The following PLPPR5 variants were observed in gnomAD, a reference collection of about 807,000 sequenced individuals.
PLPPR5 encodes phospholipid phosphatase related 5.
PLPPR5 carries 16 observed loss-of-function variants against 33.9 expected under a neutral mutation model. That is an observed-to-expected ratio of 0.47 (90% confidence interval 0.32 to 0.72). The LOEUF is 0.72. Among genes scored for constraint, PLPPR5 ranks in the 30% least tolerant of loss-of-function variants. The pLI is 0.03. For missense variants in PLPPR5, 301 were observed against 406.7 expected (o/e 0.74, Z 2.23); for synonymous variants, 163 against 150.3 (o/e 1.08, Z -0.62).
intron 1 of PLPPR5, chr1:99,004,220 G>T (rs1652976911): frequency 9.1e-6 from 5 of 547,966 alleles, no homozygotes; most frequent in South Asian, 2.4e-5. Flanking sequence ...AGCCACCGCG[G>T]GGTGTGGGGG....
chr1:98,927,443 C>T (rs1219475605), intron 3 of PLPPR5, among the ~76,000 whole-genome samples: 1 of 152,174 alleles, frequency 6.6e-6, no homozygotes, highest in Non-Finnish European at 1.5e-5. Context: ...GTCCTTGTGG[C>T]CCCATACTGA....
intron 5 of PLPPR5, among the ~76,000 whole-genome samples, chr1:98,900,417 G>A (rs895431030): frequency 1.3e-5 from 2 of 151,978 alleles, no homozygotes; most frequent in African/African-American, 2.4e-5. Flanking sequence ...TGTTCCTCCA[G>A]TATAGCCATC....
rs946473597 is a variant in PLPPR5, at chr1:98,913,667, AT to A, written c.933+1118del. 5.9e-5 allele frequency among the ~76,000 whole-genome samples: 9 copies of A among 152,162 alleles called. 1 individual carries two copies. Among genetic ancestry groups the A allele is most frequent in the African/African-American group, 2.2e-4 (9 of 41,450 alleles). ...TTTTATTCCTTCATTGAATATGTTA[AT>A]TATCTCTCACAGATTTACACAATCA... On this transcript the variant is annotated intron_variant, in intron 5 of 5. Transcript: ENST00000263177.
intron 5 of PLPPR5, among the ~76,000 whole-genome samples, chr1:98,907,542 T>C (rs753485508): frequency 6.6e-6 from 1 of 152,228 alleles, no homozygotes; most frequent in African/African-American, 2.4e-5. Flanking sequence ...TTAAAATATC[T>C]CTTTCTCTCT....
chr1:98,999,950 T>A (rs1360972857), intron 1 of PLPPR5, among the ~76,000 whole-genome samples: 1 of 152,192 alleles, frequency 6.6e-6, no homozygotes. Flanking sequence ...TTATTCTAGC[T>A]TTGTGAAGAT....
intron 1 of PLPPR5, chr1:99,004,225 T>TG (rs1032680049): frequency 3.8e-5 from 21 of 557,536 alleles, no homozygotes; most frequent in African/African-American, 5.8e-5. Context: ...CCGCGGGGTG[T>TG]GGGGGGGTGA....
chr1:99,002,339 T>C (rs1177612312), intron 1 of PLPPR5, among the ~76,000 whole-genome samples: 4 of 152,198 alleles, frequency 2.6e-5, no homozygotes, highest in Admixed American at 2.6e-4. Context: ...TATCCACTTA[T>C]ATTCTCAATG....
chr1:98,995,337 G>A (rs997346831), intron 1 of PLPPR5, among the ~76,000 whole-genome samples: 2 of 152,016 alleles, frequency 1.3e-5, no homozygotes, highest in Non-Finnish European at 1.5e-5. Context: ...GGAGGGTCAC[G>A]ATCAAAAAAC....
At chr1:98,941,507 G>T (rs1234943827) in intron 3 of PLPPR5, among the ~76,000 whole-genome samples, 1 of 151,398 alleles carries the variant, frequency 6.6e-6, no homozygotes. Flanking sequence ...TTCTTTCAAA[G>T]ATGCGACGGT....
intron 4 of PLPPR5, among the ~76,000 whole-genome samples, chr1:98,916,021 A>C (rs1649331936): frequency 6.6e-6 from 1 of 152,186 alleles, no homozygotes; most frequent in South Asian, 2.1e-4. Context: ...TCATTTTGTA[A>C]AGTACCTAAT....
chr1:99,002,962 T>A (rs1652910506), intron 1 of PLPPR5, among the ~76,000 whole-genome samples: 1 of 150,198 alleles, frequency 6.7e-6, no homozygotes, highest in South Asian at 2.1e-4. Context: ...TCGACCTTTT[T>A]TTTTTTCTCT....
Position 98,892,084 on chromosome 1 carries a change from G to T in PLPPR5, c.*988C>A, listed in dbSNP as rs1314729124. The T allele has an allele frequency of 6.6e-6, 1 of 152,030 alleles. No homozygotes were observed. Among genetic ancestry groups the T allele is most frequent in the African/African-American group, 2.4e-5 (1 of 41,394 alleles). 9.4% of individuals were successfully genotyped at this position (152,030 alleles called of 1,614,324 possible). ...GTAAATATGCTTTGTAAACTATAAA[G>T]TACTACACAAATGCAAAGTAAAATA... On this transcript the variant is annotated 3_prime_UTR_variant, in exon 6 of 6. Transcript: ENST00000263177.
chr1:98,986,471 G>C (rs567722736), intron 1 of PLPPR5, among the ~76,000 whole-genome samples: 22 of 151,752 alleles, frequency 1.4e-4, no homozygotes, highest in African/African-American at 4.6e-4. Flanking sequence ...AATAATAAGG[G>C]GAACAACTCT....
intron 1 of PLPPR5, among the ~76,000 whole-genome samples, chr1:99,003,305 G>T (rs936183511): frequency 1.3e-5 from 2 of 150,988 alleles, no homozygotes; most frequent in African/African-American, 4.9e-5. Flanking sequence ...TAAAAAAAAA[G>T]ATGAACATCC....
In PLPPR5 at chr1:98,890,318, A is replaced by T. The variant is rs1389289393; in HGVS notation, c.*2754T>A. The T allele has an allele frequency of 6.6e-6, 1 of 152,528 alleles. No individual in the cohort carries two copies. The highest frequency in any genetic ancestry group is 1.5e-5 in the Non-Finnish European group (1 of 68,008). 9.4% of individuals were successfully genotyped at this position (152,528 alleles called of 1,614,324 possible). A position where few individuals can be genotyped will look rare whatever the true frequency, so the allele number is the denominator to read the frequency against. Reference sequence around the variant, plus strand: ...ACAGCAGAGAATTATTTCCTCCCCTACTGTTCTTTCACAAAGGAAACTGTA... The same window carrying T: ...ACAGCAGAGAATTATTTCCTCCCCTTCTGTTCTTTCACAAAGGAAACTGTA... On this transcript the variant is annotated 3_prime_UTR_variant, in exon 6 of 6. Transcript: ENST00000263177.
intron 5 of PLPPR5, among the ~76,000 whole-genome samples, chr1:98,896,782 T>C (rs555069672): frequency 6.6e-6 from 1 of 152,180 alleles, no homozygotes; most frequent in African/African-American, 2.4e-5. Flanking sequence ...AAGTTCTGCA[T>C]GAAAATCTCT....
In PLPPR5 at chr1:98,949,192, T is replaced by C. The variant is rs144948175; in HGVS notation, c.621+3878A>G. Among the ~76,000 whole-genome samples, 114 of 152,052 alleles carry C rather than the reference T, an allele frequency of 7.5e-4. 3 individuals are homozygous for C. The highest frequency in any genetic ancestry group is 2.6e-3 in the African/African-American group (109 of 41,488). ...ACTGAACACTGAATTATAAATTTGATGACTGAGAGTTAAATAACTCTCACA... is the reference window on the plus strand; with the variant it reads ...ACTGAACACTGAATTATAAATTTGACGACTGAGAGTTAAATAACTCTCACA... On this transcript the variant is annotated intron_variant, in intron 3 of 5. Transcript: ENST00000263177.
chr1:98,981,910 A>T (rs1486959618), intron 1 of PLPPR5, among the ~76,000 whole-genome samples: 5 of 152,126 alleles, frequency 3.3e-5, no homozygotes, highest in African/African-American at 1.2e-4. Context: ...AAGTTAATTG[A>T]AGTTGTAAGT....
intron 5 of PLPPR5, among the ~76,000 whole-genome samples, chr1:98,898,984 G>A (rs944700075): frequency 2.0e-5 from 3 of 152,130 alleles, no homozygotes; most frequent in Non-Finnish European, 2.9e-5. Context: ...TCCAAGTCCT[G>A]AGAAGCCAAA....
Sources: gnomAD v4.1 joint callset for allele counts (sites outside exome capture counted in the v4.1 genomes callset) on GRCh38, gnomAD v4.1.1 for gene constraint, MANE v1.5 for transcripts, NCBI Gene and HGNC (gene_info 2026-07-23, HGNC 2026-07-21) for gene names.